Variants in SMCHD1 observed in about 807,000 individuals in gnomAD.
SMCHD1 encodes structural maintenance of chromosomes flexible hinge domain-containing protein 1.
In SMCHD1, 78 loss-of-function variants were observed where a neutral mutation model predicts 254.7. That is an observed-to-expected ratio of 0.31 (90% CI 0.26 to 0.37). The LOEUF is 0.37. Ranked by LOEUF, SMCHD1 falls within the 10% of genes least tolerant of loss-of-function variation. The pLI is 1.00. For missense variants in SMCHD1, 1,840 were observed against 2,408.1 expected (o/e 0.76, Z 4.94); for synonymous variants, 766 against 794.9 (o/e 0.96, Z 0.61).
intron 39 of SMCHD1, among the ~76,000 whole-genome samples, chr18:2,770,821 A>G (rs1277851968): frequency 3.9e-5 from 6 of 152,136 alleles, no homozygotes; most frequent in Middle Eastern, 3.4e-3. Context: ...GGGTTTCACC[A>G]TGTTGGCCGG....
chr18:2,775,942 G>C lies in SMCHD1; in HGVS notation c.5366+18G>C. ...TGGAAAAGGTTAGAAAAAAGTGAAA[G>C]TAATTTTTTTTCTGAAATATATTTT... On this transcript the variant is annotated intron_variant, in intron 42 of 47. Coordinates refer to ENST00000320876, the MANE Select transcript of SMCHD1 (RefSeq NM_015295.3). 1 of 1,538,950 alleles carries C rather than the reference G, an allele frequency of 6.5e-7. No homozygotes were observed. Among genetic ancestry groups the C allele is most frequent in the Non-Finnish European group, 8.7e-7 (1 of 1,151,064 alleles).
At chr18:2,681,412 CAAAA>C (rs11448086) in intron 5 of SMCHD1, among the ~76,000 whole-genome samples, 2 of 104,008 alleles carry the variant, frequency 1.9e-5, no homozygotes, top group Non-Finnish European at 3.7e-5. Context: ...GACCCCATCT[CAAAA>C]AAAAAAAAAA....
chr18:2,800,082 A>G (rs1052279337), intron 47 of SMCHD1, among the ~76,000 whole-genome samples: 2 of 152,108 alleles, frequency 1.3e-5, no homozygotes, highest in Non-Finnish European at 2.9e-5. Flanking sequence ...GGATTGGGAA[A>G]TAGTCTAGAA....
intron 44 of SMCHD1, among the ~76,000 whole-genome samples, chr18:2,782,537 C>T (rs1444433384): frequency 6.6e-6 from 1 of 151,540 alleles, no homozygotes; most frequent in African/African-American, 2.4e-5. Context: ...GGCAAGAGTT[C>T]GAGACCAGCC....
At chr18:2,722,798 G>A in intron 20 of SMCHD1, 135 bp downstream of exon 20, 1 of 720,556 alleles carries the variant, frequency 1.4e-6, no homozygotes. Flanking sequence ...TATTATATCT[G>A]GGTAATTTAG....
intron 45 of SMCHD1, among the ~76,000 whole-genome samples, chr18:2,787,565 T>C (rs2076259097): frequency 1.3e-5 from 2 of 152,176 alleles, no homozygotes; most frequent in Admixed American, 1.3e-4. Context: ...GAAAACATTT[T>C]AATCAAAGTC....
intron 15 of SMCHD1, among the ~76,000 whole-genome samples, chr18:2,706,924 G>A (rs887420927): frequency 4.6e-5 from 7 of 152,132 alleles, no homozygotes; most frequent in Non-Finnish European, 8.8e-5. Flanking sequence ...ATGGCATAAG[G>A]CGAAGGGGAA....
chr18:2,658,856 A>G (rs2073155606), intron 1 of SMCHD1, among the ~76,000 whole-genome samples: 2 of 150,832 alleles, frequency 1.3e-5, no homozygotes, highest in Admixed American at 6.6e-5. Context: ...ATATGTATAT[A>G]TACATATATA....
intron 34 of SMCHD1, among the ~76,000 whole-genome samples, chr18:2,753,752 C>T (rs908583157): frequency 5.3e-5 from 8 of 152,014 alleles, no homozygotes; most frequent in African/African-American, 1.9e-4. Flanking sequence ...GACTGGGTTT[C>T]ACCAAGTTGC....
chr18:2,773,131 G>A (rs889341052), intron 41 of SMCHD1, among the ~76,000 whole-genome samples: 9 of 152,126 alleles, frequency 5.9e-5, no homozygotes, highest in Admixed American at 4.6e-4. Context: ...GGGGTAACGT[G>A]TAGCAATGTG....
intron 30 of SMCHD1, among the ~76,000 whole-genome samples, chr18:2,748,372 G>GTATATA (rs1447888716): frequency 2.1e-5 from 1 of 47,312 alleles, no homozygotes; most frequent in Non-Finnish European, 4.4e-5. Flanking sequence ...GTGTGTGTGT[G>GTATATA]TGTGTGTGTG....
intron 37 of SMCHD1, among the ~76,000 whole-genome samples, chr18:2,768,087 G>C (rs1338631955): frequency 6.6e-6 from 1 of 151,890 alleles, no homozygotes; most frequent in African/African-American, 2.4e-5. Flanking sequence ...ATGACTGTAT[G>C]TTAGATACAT....
chr18:2,682,541 T>G (rs968187198), intron 5 of SMCHD1, among the ~76,000 whole-genome samples: 2 of 152,126 alleles, frequency 1.3e-5, no homozygotes, highest in African/African-American at 4.8e-5. Flanking sequence ...AGGCTAGTCT[T>G]GAACTCCTGA....
At chr18:2,722,369 A>G (rs1011746044) in intron 19 of SMCHD1, 150 bp from the exon 20 acceptor site, 6 of 675,518 alleles carry the variant, frequency 8.9e-6, no homozygotes, top group African/African-American at 1.8e-5. Context: ...CATAACATAT[A>G]ATTTTTGCGC....
intron 7 of SMCHD1, among the ~76,000 whole-genome samples, chr18:2,689,873 AAAAAG>A (rs1376566830): frequency 2.9e-4 from 43 of 150,096 alleles, no homozygotes; most frequent in African/African-American, 9.8e-4. Flanking sequence ...AAAAAAAAAA[AAAAAG>A]CCGGGTGTGG....
chr18:2,772,307 A>G lies in SMCHD1; in HGVS notation c.5110A>G (p.Lys1704Glu). ...RKLSEQEELK[K>E]KPRRSCTLPN... The stretch of plus-strand genomic sequence containing the variant: ...GCTATCAGAACAAGAAGAACTGAAG[A>G]AAAAACCTAGAAGATCGTGTACTCT... Residue 1704 changes from lysine (K) to glutamate (E), a missense_variant, in exon 41 of 48, where the codon AAA (lysine) becomes GAA (glutamate). Physicochemically the swap from Lys to Glu is moderately conservative, Grantham distance 56. Coordinates refer to ENST00000320876, the MANE Select transcript of SMCHD1 (RefSeq NM_015295.3). 1 of 1,609,262 alleles carries G rather than the reference A, an allele frequency of 6.2e-7. No individual in the cohort carries two copies. Among genetic ancestry groups the G allele is most frequent in the South Asian group, 1.1e-5 (1 of 90,088 alleles).
At chr18:2,665,692 G>A (rs1465856407) in intron 1 of SMCHD1, among the ~76,000 whole-genome samples, 2 of 152,148 alleles carry the variant, frequency 1.3e-5, no homozygotes, top group Non-Finnish European at 1.5e-5. Context: ...GTCTTACAAA[G>A]CATGGCTGTT....
chr18:2,757,762 T>C (rs773573355), intron 34 of SMCHD1, among the ~76,000 whole-genome samples: 5 of 152,144 alleles, frequency 3.3e-5, no homozygotes, highest in African/African-American at 9.7e-5. Context: ...CTGTTTCACC[T>C]AGCAGTGTAG....
intron 34 of SMCHD1, among the ~76,000 whole-genome samples, chr18:2,759,921 C>G (rs2075757257): frequency 6.6e-6 from 1 of 152,030 alleles, no homozygotes; most frequent in Non-Finnish European, 1.5e-5. Context: ...TCAGAGAAAA[C>G]AATATAGAGA....
Sources: gnomAD v4.1 joint callset for allele counts (sites outside exome capture counted in the v4.1 genomes callset) on GRCh38, gnomAD v4.1.1 for gene constraint, MANE v1.5 for transcripts, NCBI Gene and HGNC (gene_info 2026-07-23, HGNC 2026-07-21) for gene names.